The following GDA variants were observed in gnomAD, a reference collection of about 807,000 sequenced individuals.
GDA encodes guanine deaminase.
A neutral mutation model predicts 59.6 loss-of-function variants in GDA; 18 were observed. The observed-to-expected ratio is 0.30, with a 90% confidence interval of 0.21 to 0.45. GDA has a LOEUF of 0.45. GDA is among the 20% of genes least tolerant of loss of function. The pLI is 1.00. For synonymous variants in GDA, 201 were observed against 201.1 expected, an observed-to-expected ratio of 1.00 and a Z score of 0.00; for missense variants, 427 against 552.3, an observed-to-expected ratio of 0.77 and a Z score of 2.27.
At chr9:72,253,591 C>T (rs1840814074), downstream of GDA, 2 of 152,150 alleles carry the variant, frequency 1.3e-5, no homozygotes, top group African/African-American at 4.8e-5. Context: ...TCTCACCAGA[C>T]TCATGCGAGA....
intron 1 of GDA, among the ~76,000 whole-genome samples, chr9:72,122,930 C>G (rs953742019): frequency 1.3e-5 from 2 of 152,152 alleles, no homozygotes; most frequent in Non-Finnish European, 2.9e-5. Context: ...TGTCCATGAC[C>G]TTTCAGAACT....
chr9:72,204,840 T>C (rs1208729596), intron 3 of GDA, among the ~76,000 whole-genome samples: 1 of 152,062 alleles, frequency 6.6e-6, no homozygotes, highest in African/African-American at 2.4e-5. Context: ...GTTTAAGTAT[T>C]TGATGTCAGG....
Position 72,241,190 on chromosome 9 carries a change from A to G in GDA, c.1027A>G (p.Ile343Val). The G allele has an allele frequency of 1.2e-6, 2 of 1,609,620 alleles. No homozygotes were observed. Among genetic ancestry groups the G allele is most frequent in the Non-Finnish European group, 1.7e-6 (2 of 1,176,518 alleles). Residue 343 changes from isoleucine (I) to valine (V), a missense_variant, in exon 11 of 14, where the codon ATC (isoleucine) becomes GTC (valine). By Grantham distance (29) the Ile-to-Val change is conservative (BLOSUM62 3). Transcript: ENST00000358399. ...GGYSYSMLDAIRRAVMVSNIL... is the reference protein window; with the variant it reads ...GGYSYSMLDAVRRAVMVSNIL... ...CTATTCATATTCCATGCTTGATGCA[A>G]TCAGAAGAGCAGTGATGGTTTCCAA...
At chr9:72,173,610 C>T (rs753960047) in intron 1 of GDA, among the ~76,000 whole-genome samples, 12 of 152,092 alleles carry the variant, frequency 7.9e-5, no homozygotes, top group African/African-American at 2.7e-4. Flanking sequence ...GGATTACAGA[C>T]GTGAGCCACC....
intron 1 of GDA, among the ~76,000 whole-genome samples, chr9:72,138,793 A>T (rs1826337780): frequency 6.6e-6 from 1 of 152,242 alleles, no homozygotes; most frequent in Admixed American, 6.5e-5. Flanking sequence ...AATACCTGGC[A>T]TATACAAGGC....
upstream of GDA, among the ~76,000 whole-genome samples, chr9:72,147,116 C>T (rs1826668150): frequency 6.6e-6 from 1 of 152,178 alleles, no homozygotes; most frequent in Non-Finnish European, 1.5e-5. Context: ...CAGAACAACA[C>T]ACATTGTTTG....
At chr9:72,135,916 G>C (rs1334679403) in intron 1 of GDA, among the ~76,000 whole-genome samples, 1 of 152,006 alleles carries the variant, frequency 6.6e-6, no homozygotes, top group Non-Finnish European at 1.5e-5. Context: ...GGGCCTGCTT[G>C]ATTCTATGAC....
chr9:72,254,839 C>T (rs1036597760), downstream of GDA, among the ~76,000 whole-genome samples: 2 of 152,128 alleles, frequency 1.3e-5, no homozygotes, highest in South Asian at 4.1e-4. Flanking sequence ...ACTTGAGAGA[C>T]TTCAAATGGC....
At chr9:72,241,629 C>T (rs979524638) in intron 11 of GDA, among the ~76,000 whole-genome samples, 6 of 152,128 alleles carry the variant, frequency 3.9e-5, no homozygotes, top group African/African-American at 1.2e-4. Context: ...CAGTAACTTA[C>T]GTCTGTAATC....
At position 72,250,602 on chromosome 9, in the gene GDA, A is replaced by G. The variant is rs1840586003; in HGVS notation, c.*2260A>G. Reference sequence around the variant, plus strand: ...ATGTATGCTTTTTTTTCTGTACCACAGGCATTATCTATACCTGGGGCCAGA... The same window carrying G: ...ATGTATGCTTTTTTTTCTGTACCACGGGCATTATCTATACCTGGGGCCAGA... On this transcript the variant is annotated 3_prime_UTR_variant, in exon 14 of 14. Coordinates refer to ENST00000358399, the MANE Select transcript of GDA (RefSeq NM_004293.5). 3 of 1,536,774 alleles carry G rather than the reference A, an allele frequency of 2.0e-6. No homozygotes were observed. The highest frequency in any genetic ancestry group is 2.6e-6 in the Non-Finnish European group (3 of 1,150,526).
intron 10 of GDA, among the ~76,000 whole-genome samples, chr9:72,235,332 T>G (rs79444122): frequency 0.025 from 3,865 of 152,284 alleles, 164 homozygotes; most frequent in African/African-American, 0.087. Context: ...TATGCTTTCC[T>G]TATGTCATTT....
chr9:72,192,588 T>C (rs1278701890), intron 1 of GDA, among the ~76,000 whole-genome samples: 2 of 150,382 alleles, frequency 1.3e-5, no homozygotes, highest in Non-Finnish European at 3.0e-5. Context: ...ATTCTACTAT[T>C]AAAACACTCT....
chr9:72,166,554 A>G (rs1829336293), intron 1 of GDA, among the ~76,000 whole-genome samples: 1 of 152,196 alleles, frequency 6.6e-6, no homozygotes, highest in African/African-American at 2.4e-5. Context: ...CATAGAAATA[A>G]TAAATACTCA....
At chr9:72,244,779 T>C (rs1007917046) in intron 11 of GDA, among the ~76,000 whole-genome samples, 1 of 151,610 alleles carries the variant, frequency 6.6e-6, no homozygotes, top group Non-Finnish European at 1.5e-5. Context: ...TGGGGGAGAA[T>C]AGAAGGGAAA....
rs1388297250 is a variant in GDA at position 72,235,069 on chromosome 9, A to C, written c.988+3888A>C. On this transcript the variant is annotated intron_variant, in intron 10 of 13. Transcript: ENST00000358399. ...AAATGAAGGGCCATGGGGGGAAATAATGGCACAATATGATGTCATGGAAAG... is the reference window on the plus strand; with the variant it reads ...AAATGAAGGGCCATGGGGGGAAATACTGGCACAATATGATGTCATGGAAAG... Among the ~76,000 whole-genome samples the C allele has an allele frequency of 2.0e-5, 3 of 152,324 alleles. No individual in the cohort carries two copies. In the East Asian group the frequency reaches 5.8e-4, roughly 29 times the overall value.
chr9:72,227,390 A>C (rs1301290179), intron 8 of GDA, among the ~76,000 whole-genome samples: 1 of 152,172 alleles, frequency 6.6e-6, no homozygotes, highest in African/African-American at 2.4e-5. Flanking sequence ...GTGAGTTAAA[A>C]GTTTATTTAG....
At chr9:72,206,656 C>T (rs1020931313) in intron 3 of GDA, among the ~76,000 whole-genome samples, 1 of 151,924 alleles carries the variant, frequency 6.6e-6, no homozygotes. Context: ...GCCTGTAATC[C>T]CAGCTACTCA....
chr9:72,210,618 T>G (rs1835233845), intron 3 of GDA, 69 bp from the exon 4 acceptor site: 1 of 828,404 alleles, frequency 1.2e-6, no homozygotes, highest in South Asian at 1.5e-5. Flanking sequence ...AAAATTCTGT[T>G]TTCCTCTGGA....
downstream of GDA, among the ~76,000 whole-genome samples, chr9:72,259,166 A>G (rs1371783999): frequency 1.3e-5 from 2 of 151,966 alleles, no homozygotes; most frequent in African/African-American, 4.8e-5. Flanking sequence ...CTGGGACTAC[A>G]GGCGTGCACC....
Sources: gnomAD v4.1 joint callset for allele counts (sites outside exome capture counted in the v4.1 genomes callset) on GRCh38, gnomAD v4.1.1 for gene constraint, MANE v1.5 for transcripts, NCBI Gene and HGNC (gene_info 2026-07-23, HGNC 2026-07-21) for gene names.